The following PAX6 variants were observed in gnomAD, a reference collection of about 807,000 sequenced individuals.
PAX6 encodes paired box 6.
In PAX6, 7 loss-of-function variants were observed where a neutral mutation model predicts 60.7. That is an observed-to-expected ratio of 0.12 (90% CI 0.07 to 0.22). The LOEUF (loss-of-function observed/expected upper bound fraction) is 0.22. Ranked by LOEUF, PAX6 falls within the 10% of genes least tolerant of loss-of-function variation. PAX6 has a pLI of 1.00. For synonymous variants in PAX6, 208 were observed against 201.2 expected (o/e 1.03, Z -0.29); for missense variants, 355 against 555.2 (o/e 0.64, Z 3.62).
intron 10 of PAX6, 89 bp downstream of exon 10, chr11:31,793,943 A>G: frequency 1.6e-6 from 2 of 1,261,856 alleles, no homozygotes; most frequent in Non-Finnish European, 1.2e-6. Context: ...AGTCCTATAA[A>G]TAAATAGTAC....
chr11:31,793,103 C>A, intron 12 of PAX6: 1 of 602,470 alleles, frequency 1.7e-6, no homozygotes, highest in Non-Finnish European at 3.0e-6. Context: ...TGATAATGTG[C>A]CAGCATTATT....
intron 4 of PAX6, chr11:31,806,169 C>A (rs1157557081): frequency 4.1e-6 from 2 of 492,708 alleles, no homozygotes; most frequent in Admixed American, 4.1e-5. Context: ...AAAACTCGGG[C>A]GGGCTGTTCT....
intron 1 of PAX6, among the ~76,000 whole-genome samples, chr11:31,816,885 G>A (rs561336836): frequency 2.6e-5 from 4 of 152,376 alleles, no homozygotes; most frequent in Non-Finnish European, 5.9e-5. Context: ...TGGGTGCCCC[G>A]CCTAAGCCGG....
chr11:31,815,771 C>CAAAAA (rs5790868), upstream of PAX6, among the ~76,000 whole-genome samples: 19 of 137,762 alleles, frequency 1.4e-4, no homozygotes, highest in African/African-American at 5.2e-4. Flanking sequence ...GCGCTATCTC[C>CAAAAA]AAAAAAAAAA....
At chr11:31,802,602 G>A in intron 5 of PAX6, 102 bp downstream of exon 5, 3 of 1,322,600 alleles carry the variant, frequency 2.3e-6, no homozygotes, top group Non-Finnish European at 3.1e-6. Context: ...GGTGAGGGTG[G>A]GGGGGTCCAT....
intron 12 of PAX6, chr11:31,793,116 C>T (rs1950400073): frequency 8.3e-6 from 5 of 603,104 alleles, no homozygotes; most frequent in African/African-American, 1.9e-5. Context: ...GCATTATTTC[C>T]ACTTTCTGGT....
At chr11:31,794,176 TG>T in intron 9 of PAX6, 62 bp from the exon 10 acceptor site, 1 of 1,131,670 alleles carries the variant, frequency 8.8e-7, no homozygotes. Context: ...TTGACCAAAC[TG>T]TGCATCAAAC....
At chr11:31,813,285 T>C (rs1957213115), upstream of PAX6, among the ~76,000 whole-genome samples, 1 of 150,932 alleles carries the variant, frequency 6.6e-6, no homozygotes, top group African/African-American at 2.4e-5. Flanking sequence ...CCAGCGAAAG[T>C]CGGCTTTCTC....
chr11:31,789,278 C>T lies in PAX6; in HGVS notation c.*656G>A, dbSNP rs987081552. 10 of 222,660 alleles carry T rather than the reference C, an allele frequency of 4.5e-5. No individual in the cohort carries two copies. Among genetic ancestry groups the T allele is most frequent in the East Asian group, 2.1e-4 (3 of 14,622 alleles). The allele number at this position is 222,660 out of a possible 1,614,324, so 13.8% of individuals were successfully genotyped here. A position where few individuals can be genotyped will look rare whatever the true frequency, so the allele number is the denominator to read the frequency against. On this transcript the variant is annotated 3_prime_UTR_variant, in exon 14 of 14. Coordinates refer to ENST00000640368, the MANE Select transcript of PAX6 (RefSeq NM_001368894.2). ...CAAATACTTACATTTTGACATAAAACAAATTGGATTATATCGAAGACACAC... is the reference window on the plus strand; with the variant it reads ...CAAATACTTACATTTTGACATAAAATAAATTGGATTATATCGAAGACACAC...
upstream of PAX6, among the ~76,000 whole-genome samples, chr11:31,813,464 G>T (rs1200083542): frequency 6.6e-6 from 1 of 151,620 alleles, no homozygotes; most frequent in Non-Finnish European, 1.5e-5. Flanking sequence ...GCGACCGAGT[G>T]GATTAGCACC....
At chr11:31,815,771 C>CA (rs5790868), upstream of PAX6, among the ~76,000 whole-genome samples, 77,059 of 137,608 alleles carry the variant, frequency 0.56, 21,276 homozygotes, top group East Asian at 0.7. Flanking sequence ...GCGCTATCTC[C>CA]AAAAAAAAAA....
intron 7 of PAX6, chr11:31,801,237 A>C: frequency 7.3e-7 from 1 of 1,363,866 alleles, no homozygotes; most frequent in South Asian, 1.5e-5. Context: ...CACCTGAAGG[A>C]AAGTTCTGGC....
Position 31,789,498 on chromosome 11 carries a change from C to T in PAX6, c.*436G>A. On this transcript the variant is annotated 3_prime_UTR_variant, in exon 14 of 14. Coordinates refer to ENST00000640368, the MANE Select transcript of PAX6 (RefSeq NM_001368894.2). Reference sequence around the variant, plus strand: ...GGAACATCAGTCCATAAACTATGAACAGATGGGTAGAAGTATTCGATATAT... The same window carrying T: ...GGAACATCAGTCCATAAACTATGAATAGATGGGTAGAAGTATTCGATATAT... 3 of 565,578 alleles carry T rather than the reference C, an allele frequency of 5.3e-6. No homozygotes were observed. The highest frequency in any genetic ancestry group is 4.6e-4 in the Middle Eastern group (1 of 2,176). 35.0% of individuals were successfully genotyped at this position (565,578 alleles called of 1,614,324 possible).
At chr11:31,802,431 G>C in intron 5 of PAX6, 1 of 459,940 alleles carries the variant, frequency 2.2e-6, no homozygotes, top group Non-Finnish European at 3.9e-6. Flanking sequence ...CAAATAAAAA[G>C]AGAAAGATTT....
At chr11:31,801,515 G>A (rs1337320153) in intron 7 of PAX6, 46 bp downstream of exon 7, 1 of 1,613,488 alleles carries the variant, frequency 6.2e-7, no homozygotes, top group Non-Finnish European at 8.5e-7. Flanking sequence ...AGAGGAGAGA[G>A]CATTGGGCTT....
At chr11:31,816,480 C>G in intron 1 of PAX6, 1 of 692,882 alleles carries the variant, frequency 1.4e-6, no homozygotes. Flanking sequence ...CGAATAAACA[C>G]GATCTCCAAT....
intron 8 of PAX6, 99 bp from the exon 9 acceptor site, chr11:31,794,887 C>CG: frequency 8.9e-7 from 1 of 1,120,650 alleles, no homozygotes; most frequent in South Asian, 1.3e-5. Context: ...CATTATATCC[C>CG]GACAGCCTCA....
intron 2 of PAX6, chr11:31,807,194 A>G (rs1311538806): frequency 1.3e-5 from 2 of 152,448 alleles, no homozygotes; most frequent in African/African-American, 4.8e-5. Context: ...AAATATAAAG[A>G]ACCAGGAAAA....
Position 31,801,890 on chromosome 11 carries a change from T to A in PAX6, c.164A>T (p.Gln55Leu). 1 of 1,614,158 alleles carries A rather than the reference T, an allele frequency of 6.2e-7. No individual in the cohort carries two copies. Among genetic ancestry groups the A allele is most frequent in the East Asian group, 2.2e-5 (1 of 44,888 alleles). Residue 55 changes from glutamine (Q) to leucine (L), a missense_variant, in exon 6 of 14, where the codon CAA becomes CTA. Gln to Leu is a moderately radical substitution (Grantham distance 113). Transcript: ENST00000640368. The stretch of plus-strand genomic sequence containing the variant: ...GCTTACGTTTTGATTGTCCAGCACT[T>A]GGACTTTTGCATCTGCATGGGTCTA... ...ILQTHADAKV[Q>L]VLDNQNVSNG...
Sources: allele counts gnomAD v4.1 joint callset (sites outside exome capture counted in the v4.1 genomes callset), GRCh38; gene constraint gnomAD v4.1.1; transcripts MANE v1.5; gene names NCBI Gene and HGNC (gene_info 2026-07-23, HGNC 2026-07-21).